Variants in ROBO2 observed in about 807,000 individuals in gnomAD.
ROBO2 encodes the protein roundabout homolog 2.
In ROBO2, 53 loss-of-function variants were observed where a neutral mutation model predicts 160.8. The ratio of observed to expected loss-of-function variants is 0.33; its 90% CI spans 0.26 to 0.41. The LOEUF is 0.41. ROBO2 is among the 10% of genes least tolerant of loss of function. ROBO2 has a pLI of 1.00. For missense variants in ROBO2, 1,577 were observed against 1,722.4 expected (o/e 0.92, Z 1.49); for synonymous variants, 664 against 611.7 (o/e 1.09, Z -1.26).
chr3:77,481,491 T>C (rs2153589146), intron 4 of ROBO2, among the ~76,000 whole-genome samples: 1 of 152,288 alleles, frequency 6.6e-6, no homozygotes, highest in Admixed American at 6.5e-5. Context: ...CAAAGTCTAT[T>C]TGAGATATTA....
At chr3:75,935,412 C>T (rs1485868972) in intron 1 of ROBO2, among the ~76,000 whole-genome samples, 3 of 151,208 alleles carry the variant, frequency 2.0e-5, no homozygotes, top group East Asian at 3.9e-4. Flanking sequence ...CTCGAGAGGC[C>T]GAGGCAAAAG....
chr3:77,289,738 C>A (rs1414970500), intron 2 of ROBO2, among the ~76,000 whole-genome samples: 2 of 151,792 alleles, frequency 1.3e-5, no homozygotes, highest in Non-Finnish European at 2.9e-5. Context: ...TAAGCTGAGG[C>A]TAGATCACTG....
intron 2 of ROBO2, among the ~76,000 whole-genome samples, chr3:76,992,119 C>A (rs1482827391): frequency 1.3e-5 from 2 of 151,740 alleles, no homozygotes; most frequent in African/African-American, 4.8e-5. Context: ...ATAAGCATAA[C>A]ACATTGTTAG....
At chr3:76,904,127 GA>G (rs2075429457) in intron 2 of ROBO2, among the ~76,000 whole-genome samples, 2 of 151,980 alleles carry the variant, frequency 1.3e-5, no homozygotes, top group African/African-American at 4.8e-5. Flanking sequence ...TTTATATGGA[GA>G]AAAAACATGT....
At chr3:77,643,741 C>T (rs1438011939) in intron 24 of ROBO2, among the ~76,000 whole-genome samples, 2 of 152,156 alleles carry the variant, frequency 1.3e-5, no homozygotes, top group African/African-American at 4.8e-5. Flanking sequence ...AGATAGGCCT[C>T]TCCATGCATT....
intron 2 of ROBO2, among the ~76,000 whole-genome samples, chr3:76,731,678 G>C (rs2107859646): frequency 6.6e-6 from 1 of 152,242 alleles, no homozygotes; most frequent in Admixed American, 6.5e-5. Flanking sequence ...AAAGAACTCT[G>C]CAATTAAGTT....
chr3:76,113,453 G>T (rs544915428), intron 2 of ROBO2, among the ~76,000 whole-genome samples: 1 of 152,048 alleles, frequency 6.6e-6, no homozygotes, highest in African/African-American at 2.4e-5. Flanking sequence ...AGGAAGCTTT[G>T]CAGAGAGACT....
Position 77,207,264 on chromosome 3 carries a change from G to A in ROBO2, c.388+108924G>A, listed in dbSNP as rs560912513. Among the ~76,000 whole-genome samples the A allele has an allele frequency of 4.5e-3, 691 of 152,180 alleles. 4 individuals are homozygous for A. Among genetic ancestry groups the A allele is most frequent in the African/African-American group, 0.015 (643 of 41,526 alleles). ...GTTTGGGATATGGGAGCATTTAACT[G>A]GACAATTATTTCTTTTTCTATCTAT... On this transcript the variant is annotated intron_variant, in intron 2 of 25. Coordinates refer to ENST00000461745, the Ensembl canonical transcript of ROBO2.
chr3:76,416,422 G>C (rs539616051), intron 2 of ROBO2, among the ~76,000 whole-genome samples: 12 of 151,618 alleles, frequency 7.9e-5, no homozygotes, highest in Non-Finnish European at 1.8e-4. Context: ...AACTGTGTGT[G>C]TGTGGGGGGG....
intron 2 of ROBO2, among the ~76,000 whole-genome samples, chr3:76,397,704 G>A (rs1261981158): frequency 2.6e-5 from 4 of 152,144 alleles, no homozygotes; most frequent in Non-Finnish European, 4.4e-5. Context: ...CATTTATGTA[G>A]CCAAAAAACA....
chr3:76,624,429 T>C (rs1578645670), intron 2 of ROBO2, among the ~76,000 whole-genome samples: 1 of 152,212 alleles, frequency 6.6e-6, no homozygotes, highest in Non-Finnish European at 1.5e-5. Context: ...TTATATTAAT[T>C]CATAACTCTT....
intron 2 of ROBO2, among the ~76,000 whole-genome samples, chr3:76,897,136 C>G (rs1310853112): frequency 6.6e-6 from 1 of 152,144 alleles, no homozygotes; most frequent in Non-Finnish European, 1.5e-5. Flanking sequence ...CCTAAAACTA[C>G]GTTAAGCAGT....
At chr3:76,450,225 A>T (rs1409622609) in intron 2 of ROBO2, among the ~76,000 whole-genome samples, 1 of 152,128 alleles carries the variant, frequency 6.6e-6, no homozygotes, top group Non-Finnish European at 1.5e-5. Flanking sequence ...ATTGCCTAAG[A>T]ATGTAGGTGT....
chr3:76,647,360 A>G (rs7642587), intron 2 of ROBO2, among the ~76,000 whole-genome samples: 1 of 152,090 alleles, frequency 6.6e-6, no homozygotes, highest in South Asian at 2.1e-4. Flanking sequence ...GTCTCCCACT[A>G]GTGCCCCCTA....
intron 2 of ROBO2, among the ~76,000 whole-genome samples, chr3:76,554,553 A>G (rs2083597973): frequency 6.6e-6 from 1 of 152,096 alleles, no homozygotes; most frequent in Admixed American, 6.6e-5. Context: ...CTACATTGTA[A>G]TTGCGTGTCT....
At chr3:77,467,836 C>T (rs562305840) in intron 2 of ROBO2, among the ~76,000 whole-genome samples, 5 of 151,928 alleles carry the variant, frequency 3.3e-5, no homozygotes, top group Admixed American at 1.3e-4. Flanking sequence ...ATAAGCATTG[C>T]TTTGAGCAAG....
At chr3:76,959,671 T>G (rs778682870) in intron 2 of ROBO2, among the ~76,000 whole-genome samples, 6 of 152,190 alleles carry the variant, frequency 3.9e-5, no homozygotes, top group Non-Finnish European at 5.9e-5. Flanking sequence ...ACTTACACTT[T>G]TTTATGTATA....
chr3:77,612,448 A>G (rs1299064664), intron 21 of ROBO2, among the ~76,000 whole-genome samples: 2 of 152,174 alleles, frequency 1.3e-5, no homozygotes, highest in Non-Finnish European at 2.9e-5. Context: ...TATGATATAC[A>G]CCATGCCCCA....
intron 2 of ROBO2, among the ~76,000 whole-genome samples, chr3:76,128,144 T>C (rs969328191): frequency 2.0e-5 from 3 of 151,642 alleles, no homozygotes; most frequent in Non-Finnish European, 4.4e-5. Flanking sequence ...TCCACCCACC[T>C]CGGCCTCCCA....
Sources: allele counts gnomAD v4.1 joint callset (sites outside exome capture counted in the v4.1 genomes callset), GRCh38; gene constraint gnomAD v4.1.1; transcripts MANE v1.5; gene names NCBI Gene and HGNC (gene_info 2026-07-23, HGNC 2026-07-21).